ARHGEF38: variants seen among roughly 807,000 people sequenced by gnomAD.
ARHGEF38 encodes Rho guanine nucleotide exchange factor (GEF) 38.
Under a neutral mutation model 79.9 loss-of-function variants are expected in ARHGEF38, and 79 were observed. The observed-to-expected ratio is 0.99, with a 90% CI of 0.82 to 1.19. ARHGEF38 has a LOEUF of 1.19. Among genes scored for constraint, ARHGEF38 ranks in the 50% most tolerant of loss-of-function variants. The probability of loss-of-function intolerance (pLI) is 0.00; values close to 1 mark genes in which losing one functional copy is unlikely to be tolerated. For missense variants in ARHGEF38, 962 were observed against 907.2 expected (o/e 1.06, Z -0.78); for synonymous variants, 366 against 328.3 (o/e 1.11, Z -1.24).
chr4:105,595,703 C>A (rs1727549486), intron 2 of ARHGEF38, among the ~76,000 whole-genome samples: 1 of 152,066 alleles, frequency 6.6e-6, no homozygotes, highest in African/African-American at 2.4e-5. Flanking sequence ...TACATTTACA[C>A]ATAACCTACA....
At chr4:105,677,019 A>G (rs1300468578) in intron 13 of ARHGEF38, among the ~76,000 whole-genome samples, 1 of 151,402 alleles carries the variant, frequency 6.6e-6, no homozygotes, top group Non-Finnish European at 1.5e-5. Context: ...GCTGGAGTGC[A>G]GTGGCGCGAT....
intron 10 of ARHGEF38, among the ~76,000 whole-genome samples, chr4:105,663,632 G>A (rs1166948810): frequency 2.0e-5 from 3 of 152,094 alleles, no homozygotes; most frequent in Non-Finnish European, 4.4e-5. Flanking sequence ...GCATGTGATA[G>A]GATTTCTTTC....
At chr4:105,641,735 G>A (rs1041923811) in intron 5 of ARHGEF38, among the ~76,000 whole-genome samples, 3 of 146,024 alleles carry the variant, frequency 2.1e-5, no homozygotes, top group African/African-American at 7.8e-5. Context: ...ATTTTTTTTT[G>A]TTTTCCAGCA....
rs758783825 is a variant in ARHGEF38, at chr4:105,588,133, G to A, written c.197-1115G>A. ...CTCCAGTTGTCTTAGCTTTGTTCCC[G>A]GAGTCAGCCAAGAAAACACTGTTTA... On this transcript the variant is annotated intron_variant, in intron 1 of 13. Coordinates refer to ENST00000420470, the MANE Select transcript of ARHGEF38 (RefSeq NM_001242729.2). Among the ~76,000 whole-genome samples the A allele has an allele frequency of 2.8e-4, 43 of 152,052 alleles. 3 individuals are homozygous for A. Among genetic ancestry groups the A allele is most frequent in the Non-Finnish European group, 1.5e-5 (1 of 68,004 alleles).
At chr4:105,586,192 A>G (rs1448239822) in intron 1 of ARHGEF38, among the ~76,000 whole-genome samples, 3 of 145,886 alleles carry the variant, frequency 2.1e-5, no homozygotes, top group Non-Finnish European at 3.0e-5. Flanking sequence ...TCTTACAAAA[A>G]CAAAATGTGT....
intron 2 of ARHGEF38, among the ~76,000 whole-genome samples, chr4:105,604,364 C>T (rs928418557): frequency 3.3e-5 from 5 of 152,152 alleles, no homozygotes; most frequent in African/African-American, 9.7e-5. Context: ...CAGTTTCGTC[C>T]GTAATTCCTG....
chr4:105,634,723 AAGTT>A (rs1346853801), intron 4 of ARHGEF38, among the ~76,000 whole-genome samples: 1 of 118,296 alleles, frequency 8.5e-6, no homozygotes, highest in East Asian at 2.0e-4. Context: ...GGGATTTTCT[AAGTT>A]TTTGATGGAT....
intron 9 of ARHGEF38, among the ~76,000 whole-genome samples, chr4:105,657,523 T>C (rs1390576257): frequency 1.3e-5 from 2 of 152,150 alleles, no homozygotes; most frequent in Non-Finnish European, 2.9e-5. Context: ...AATAATAAAG[T>C]CTAATTCTTA....
chr4:105,591,379 C>T (rs1451338245), intron 2 of ARHGEF38, among the ~76,000 whole-genome samples: 1 of 152,114 alleles, frequency 6.6e-6, no homozygotes, highest in Non-Finnish European at 1.5e-5. Flanking sequence ...CAGGTGACTG[C>T]CACCACACCC....
chr4:105,575,197 C>G (rs986782376), intron 1 of ARHGEF38, among the ~76,000 whole-genome samples: 1 of 152,024 alleles, frequency 6.6e-6, no homozygotes, highest in Non-Finnish European at 1.5e-5. Flanking sequence ...ATGGCTGGAT[C>G]GAATGGTAGA....
intron 1 of ARHGEF38, among the ~76,000 whole-genome samples, chr4:105,570,760 C>G (rs1355833615): frequency 6.6e-6 from 1 of 152,080 alleles, no homozygotes; most frequent in Non-Finnish European, 1.5e-5. Context: ...GGTGGGGACA[C>G]AGCCAATCCA....
Position 105,667,264 on chromosome 4 carries a change from G to A in ARHGEF38, c.1825G>A (p.Val609Met), listed in dbSNP as rs901103430. 10 of 1,536,074 alleles carry A rather than the reference G, an allele frequency of 6.5e-6. No individual in the cohort carries two copies. The highest frequency in any genetic ancestry group is 5.5e-5 in the African/African-American group (4 of 73,048). Residue 609 changes from valine to methionine, a missense_variant, in exon 12 of 14, where the codon GTG becomes ATG. Physicochemically the swap from Val to Met is conservative, Grantham distance 21. Coordinates refer to ENST00000420470, the MANE Select transcript of ARHGEF38 (RefSeq NM_001242729.2). ...CATCAATCTTCTGGAAGGAGACTTG[G>A]TGGCTGTGATAGAACAGAAAGATCC... ...YDINLLEGDL[V>M]AVIEQKDPLG...
chr4:105,677,227 T>G (rs1047872791), intron 13 of ARHGEF38, among the ~76,000 whole-genome samples: 1 of 152,142 alleles, frequency 6.6e-6, no homozygotes, highest in Non-Finnish European at 1.5e-5. Context: ...CCTCCCAAAG[T>G]GCTGGGATTA....
intron 1 of ARHGEF38, among the ~76,000 whole-genome samples, chr4:105,557,851 C>A (rs564615581): frequency 1.8e-4 from 27 of 152,052 alleles, no homozygotes; most frequent in East Asian, 1.9e-4. Context: ...CAAGACGGGT[C>A]GATTACCTTT....
intron 3 of ARHGEF38, among the ~76,000 whole-genome samples, chr4:105,628,627 C>T (rs1729051695): frequency 1.3e-5 from 2 of 152,110 alleles, no homozygotes; most frequent in African/African-American, 4.8e-5. Flanking sequence ...TCCAAAGATG[C>T]TCACAGTTAT....
intron 1 of ARHGEF38, among the ~76,000 whole-genome samples, chr4:105,577,075 CT>C (rs549705244): frequency 5.2e-5 from 6 of 115,864 alleles, no homozygotes; most frequent in East Asian, 5.4e-4. Flanking sequence ...TTGTAGCTTT[CT>C]TTTTTTTTAC....
intron 10 of ARHGEF38, among the ~76,000 whole-genome samples, chr4:105,663,525 C>T (rs1485842862): frequency 2.0e-5 from 3 of 152,176 alleles, no homozygotes; most frequent in African/African-American, 7.2e-5. Flanking sequence ...AATTTGACTA[C>T]TTTAAATACC....
chr4:105,618,099 G>T (rs1006476438), intron 3 of ARHGEF38, among the ~76,000 whole-genome samples: 5 of 152,132 alleles, frequency 3.3e-5, no homozygotes, highest in Non-Finnish European at 5.9e-5. Context: ...ATATTTACTT[G>T]TTTTAATATG....
chr4:105,631,061 A>T lies in ARHGEF38; in HGVS notation c.656+16A>T. Reference sequence around the variant, plus strand: ...AGTCCTTAAAGTAAGGCCTTTTCAAATGATGATTCCCATCTCCTCTCAGTT... The same window carrying T: ...AGTCCTTAAAGTAAGGCCTTTTCAATTGATGATTCCCATCTCCTCTCAGTT... On this transcript the variant is annotated intron_variant, in intron 4 of 13. Coordinates refer to ENST00000420470, the MANE Select transcript of ARHGEF38 (RefSeq NM_001242729.2). 4 of 1,599,170 alleles carry T rather than the reference A, an allele frequency of 2.5e-6. No homozygotes were observed. The highest frequency in any genetic ancestry group is 3.4e-6 in the Non-Finnish European group (4 of 1,175,270).
Sources: gnomAD v4.1 joint callset for allele counts (sites outside exome capture counted in the v4.1 genomes callset) on GRCh38, gnomAD v4.1.1 for gene constraint, MANE v1.5 for transcripts, NCBI Gene and HGNC (gene_info 2026-07-23, HGNC 2026-07-21) for gene names.